Variants in NLGN1 observed in about 807,000 individuals in gnomAD.
NLGN1 encodes neuroligin 1.
NLGN1 carries 12 observed loss-of-function variants against 65.5 expected under a neutral mutation model. The observed-to-expected ratio is 0.18, with a 90% confidence interval of 0.12 to 0.30. The LOEUF is 0.30. NLGN1 is among the 10% of genes least tolerant of loss of function. The pLI is 1.00. For synonymous variants in NLGN1, 350 were observed against 359.5 expected, an observed-to-expected ratio of 0.97 and a Z score of 0.30; for missense variants, 750 against 1,007.1, an observed-to-expected ratio of 0.74 and a Z score of 3.46.
At chr3:173,818,069 C>G (rs1205248487) in intron 4 of NLGN1, among the ~76,000 whole-genome samples, 1 of 152,150 alleles carries the variant, frequency 6.6e-6, no homozygotes, top group Admixed American at 6.5e-5. Context: ...TCTTTCAGAG[C>G]AGAAGTCATC....
intron 2 of NLGN1, among the ~76,000 whole-genome samples, chr3:173,540,188 T>C (rs1235597100): frequency 6.6e-6 from 1 of 152,078 alleles, no homozygotes; most frequent in Admixed American, 6.6e-5. Context: ...GAGATTCCCT[T>C]ATAGGGACCA....
At chr3:173,989,674 G>GAAGA (rs1384429515) in intron 4 of NLGN1, among the ~76,000 whole-genome samples, 1 of 152,144 alleles carries the variant, frequency 6.6e-6, no homozygotes, top group African/African-American at 2.4e-5. Context: ...CATTTACAAA[G>GAAGA]AAGACTCATG....
exon 7 of NLGN1, chr3:174,281,129 G>A (rs1382180047): frequency 7.4e-6 from 12 of 1,613,320 alleles, no homozygotes; most frequent in East Asian, 2.2e-5. Flanking sequence ...CACTAGCTAT[G>A]AGGAGGTCAC....
intron 2 of NLGN1, among the ~76,000 whole-genome samples, chr3:173,590,503 G>A (rs1211584108): frequency 1.3e-5 from 2 of 152,092 alleles, no homozygotes; most frequent in African/African-American, 4.8e-5. Context: ...CCATAGTAGG[G>A]GATTTTTGTC....
chr3:173,518,419 T>G (rs772450524), intron 2 of NLGN1, among the ~76,000 whole-genome samples: 4 of 151,244 alleles, frequency 2.6e-5, no homozygotes, highest in Non-Finnish European at 5.9e-5. Context: ...TATAGTTACA[T>G]TTACTGTAAC....
intron 2 of NLGN1, among the ~76,000 whole-genome samples, chr3:173,441,045 G>A (rs1328108114): frequency 2.6e-5 from 4 of 152,158 alleles, no homozygotes; most frequent in African/African-American, 9.6e-5. Context: ...GCACTTTTAC[G>A]TTATAGGAAT....
At chr3:174,210,417 A>G (rs4894465) in intron 4 of NLGN1, among the ~76,000 whole-genome samples, 112,109 of 152,094 alleles carry the variant, frequency 0.74, 41,388 homozygotes, top group East Asian at 0.81. Flanking sequence ...TTGAATAAAT[A>G]AATATGCCCT....
At chr3:174,273,615 T>C (rs518257) in intron 4 of NLGN1, among the ~76,000 whole-genome samples, 17,630 of 151,784 alleles carry the variant, frequency 0.12, 1,141 homozygotes, top group African/African-American at 0.14. Flanking sequence ...TAAATTATTA[T>C]GCAAATTCAA....
At chr3:174,267,552 T>A (rs1748521163) in intron 4 of NLGN1, among the ~76,000 whole-genome samples, 1 of 152,164 alleles carries the variant, frequency 6.6e-6, no homozygotes, top group Non-Finnish European at 1.5e-5. Context: ...TAGACCAGTA[T>A]TCTGGGATAG....
intron 2 of NLGN1, among the ~76,000 whole-genome samples, chr3:173,473,092 CA>C (rs1471104524): frequency 2.0e-5 from 3 of 152,092 alleles, no homozygotes; most frequent in Admixed American, 1.3e-4. Context: ...AGTGAGAATT[CA>C]AAATCCTCAA....
At chr3:173,916,302 C>T (rs9856804) in intron 4 of NLGN1, among the ~76,000 whole-genome samples, 1 of 151,756 alleles carries the variant, frequency 6.6e-6, no homozygotes, top group Non-Finnish European at 1.5e-5. Context: ...AGTACAGAGC[C>T]CAAAACACAA....
intron 1 of NLGN1, among the ~76,000 whole-genome samples, chr3:173,432,374 T>G (rs1004372701): frequency 3.9e-5 from 6 of 152,214 alleles, no homozygotes; most frequent in African/African-American, 1.4e-4. Context: ...TTGTTCCACC[T>G]CCTTGCCAGC....
chr3:173,812,613 C>G (rs1318397007), intron 4 of NLGN1, among the ~76,000 whole-genome samples: 1 of 151,572 alleles, frequency 6.6e-6, no homozygotes, highest in Non-Finnish European at 1.5e-5. Flanking sequence ...TGCTTGTATT[C>G]CGGGCTACCC....
intron 4 of NLGN1, among the ~76,000 whole-genome samples, chr3:174,249,290 C>T (rs1744353514): frequency 6.6e-6 from 1 of 152,188 alleles, no homozygotes; most frequent in Non-Finnish European, 1.5e-5. Flanking sequence ...TTACTTATTT[C>T]CCATGCCTCT....
At chr3:174,241,558 AT>A (rs1213124310) in intron 4 of NLGN1, among the ~76,000 whole-genome samples, 1 of 152,016 alleles carries the variant, frequency 6.6e-6, no homozygotes, top group Non-Finnish European at 1.5e-5. Flanking sequence ...GAAGAACAAA[AT>A]CAACACAGTC....
At chr3:173,948,458 A>C (rs957131015) in intron 4 of NLGN1, among the ~76,000 whole-genome samples, 1 of 152,206 alleles carries the variant, frequency 6.6e-6, no homozygotes, top group Non-Finnish European at 1.5e-5. Context: ...CAAAAGACAC[A>C]TAGGTTGTTT....
At chr3:173,438,149 G>T (rs886965964) in intron 2 of NLGN1, among the ~76,000 whole-genome samples, 3 of 151,716 alleles carry the variant, frequency 2.0e-5, no homozygotes, top group African/African-American at 7.3e-5. Flanking sequence ...AGCCTTTGAT[G>T]GTTTGGTTAT....
intron 4 of NLGN1, among the ~76,000 whole-genome samples, chr3:173,919,436 A>G (rs561999160): frequency 6.6e-6 from 1 of 152,208 alleles, no homozygotes; most frequent in Non-Finnish European, 1.5e-5. Flanking sequence ...GATAATTTAC[A>G]CAATTTCATT....
At chr3:174,239,846 A>G (rs1470247271) in intron 4 of NLGN1, among the ~76,000 whole-genome samples, 1 of 152,192 alleles carries the variant, frequency 6.6e-6, no homozygotes, top group Non-Finnish European at 1.5e-5. Context: ...AACCATGCTC[A>G]AGGAAAATAA....
Sources: gnomAD v4.1 joint callset for allele counts (sites outside exome capture counted in the v4.1 genomes callset) on GRCh38, gnomAD v4.1.1 for gene constraint, MANE v1.5 for transcripts, NCBI Gene and HGNC (gene_info 2026-07-23, HGNC 2026-07-21) for gene names.